UTS2B: variants seen among roughly 807,000 people sequenced by gnomAD.
UTS2B encodes the protein urotensin 2B.
Under a neutral mutation model 19.2 loss-of-function variants are expected in UTS2B, and 21 were observed. That is an observed-to-expected ratio of 1.09 (90% CI 0.78 to 1.58). The LOEUF is 1.58. Among genes scored for constraint, UTS2B ranks in the 40% most tolerant of loss-of-function variants. UTS2B has a pLI of 0.00. For synonymous variants in UTS2B, 57 were observed against 50.2 expected (o/e 1.14, Z -0.58); for missense variants, 138 against 130.3 (o/e 1.06, Z -0.29).
At chr3:191,308,361 A>G (rs1717201133) in intron 3 of UTS2B, among the ~76,000 whole-genome samples, 1 of 152,188 alleles carries the variant, frequency 6.6e-6, no homozygotes, top group Non-Finnish European at 1.5e-5. Flanking sequence ...GCCACATTCA[A>G]AACAAGCAGC....
intron 2 of UTS2B, among the ~76,000 whole-genome samples, chr3:191,327,898 T>G (rs113714999): frequency 0.014 from 2,116 of 152,342 alleles, 37 homozygotes; most frequent in Middle Eastern, 0.075. Flanking sequence ...CACTTCCTTC[T>G]TATTCCCACA....
chr3:191,286,006 A>C (rs1716534367), intron 4 of UTS2B, among the ~76,000 whole-genome samples: 2 of 152,226 alleles, frequency 1.3e-5, no homozygotes, highest in Admixed American at 1.3e-4. Flanking sequence ...AATAGACTTC[A>C]AGACAAAAAC....
chr3:191,304,398 GA>G (rs1560142323), intron 4 of UTS2B, 93 bp downstream of exon 4: 1 of 152,124 alleles, frequency 6.6e-6, no homozygotes, highest in Non-Finnish European at 1.5e-5. Context: ...CAGTTCGCTA[GA>G]GAGGTTATGT....
chr3:191,312,560 A>G (rs1576931984), intron 3 of UTS2B, among the ~76,000 whole-genome samples: 1 of 152,308 alleles, frequency 6.6e-6, no homozygotes, highest in African/African-American at 2.4e-5. Flanking sequence ...ATGCCCCTAT[A>G]CAAATCAATT....
chr3:191,281,953 G>A (rs1005388501), intron 5 of UTS2B, 134 bp downstream of exon 5: 51 of 673,424 alleles, frequency 7.6e-5, no homozygotes, highest in Non-Finnish European at 1.2e-4. Context: ...AACTACTTAA[G>A]GGAGATTTGG....
chr3:191,329,419 T>A lies in UTS2B; in HGVS notation c.-664-710A>T, dbSNP rs189322853. 3.2e-4 allele frequency: 135 copies of A among 422,738 alleles called. 1 individual carries two copies. In the East Asian group the frequency reaches 5.2e-3, roughly 16 times the overall value. The allele number at this position is 422,738 out of a possible 1,614,324, so 26.2% of individuals were successfully genotyped here. A position where few individuals can be genotyped will look rare whatever the true frequency, so the allele number is the denominator to read the frequency against. The stretch of plus-strand genomic sequence containing the variant: ...ATTTCCGGGCTCCGGATATTTGGTA[T>A]CGATTGGGGCCGGGGACGCGGAGCA... On this transcript the variant is annotated intron_variant, in intron 1 of 8. Coordinates refer to ENST00000340524, the MANE Select transcript of UTS2B (RefSeq NM_198152.5).
At chr3:191,294,064 C>T (rs545745518) in intron 4 of UTS2B, among the ~76,000 whole-genome samples, 8 of 151,672 alleles carry the variant, frequency 5.3e-5, no homozygotes, top group South Asian at 4.2e-4. Flanking sequence ...GCCAAGATCG[C>T]GCCATTGCAC....
intron 3 of UTS2B, among the ~76,000 whole-genome samples, chr3:191,312,315 G>A (rs1295834453): frequency 6.6e-6 from 1 of 152,150 alleles, no homozygotes; most frequent in Non-Finnish European, 1.5e-5. Flanking sequence ...TGGAATGAGA[G>A]TCAAGGATCC....
At chr3:191,312,827 G>C (rs1241844041) in intron 3 of UTS2B, among the ~76,000 whole-genome samples, 1 of 152,168 alleles carries the variant, frequency 6.6e-6, no homozygotes, top group Non-Finnish European at 1.5e-5. Context: ...ATAGAGAATA[G>C]GTGGCAAAAC....
chr3:191,329,774 A>AGG, intron 1 of UTS2B: 2 of 1,572,460 alleles, frequency 1.3e-6, no homozygotes, highest in Non-Finnish European at 1.7e-6. Flanking sequence ...TCCCAGCCCG[A>AGG]GGTTCTCTCA....
At chr3:191,302,235 G>T (rs1463196372) in intron 4 of UTS2B, among the ~76,000 whole-genome samples, 1 of 152,182 alleles carries the variant, frequency 6.6e-6, no homozygotes, top group African/African-American at 2.4e-5. Context: ...CCAGCATCAT[G>T]ACAGTTTACA....
At chr3:191,317,105 G>A (rs1320103365) in intron 2 of UTS2B, among the ~76,000 whole-genome samples, 4 of 152,234 alleles carry the variant, frequency 2.6e-5, no homozygotes, top group African/African-American at 9.6e-5. Flanking sequence ...AGAGCCCATG[G>A]GGGTGGGGGC....
chr3:191,321,988 T>A (rs1375943472), intron 2 of UTS2B, among the ~76,000 whole-genome samples: 1 of 151,996 alleles, frequency 6.6e-6, no homozygotes, highest in African/African-American at 2.4e-5. Flanking sequence ...GATTGCGCCA[T>A]TGCACTCCAG....
the UTS2B span, among the ~76,000 whole-genome samples, chr3:191,337,482 T>C: frequency 6.6e-6 from 1 of 151,954 alleles, no homozygotes. Flanking sequence ...GTAGCTGGGA[T>C]TACAGTTGCC....
At chr3:191,317,356 C>G (rs1250371438) in intron 2 of UTS2B, among the ~76,000 whole-genome samples, 3 of 152,216 alleles carry the variant, frequency 2.0e-5, no homozygotes, top group African/African-American at 7.2e-5. Flanking sequence ...GCAGCACGCG[C>G]AGCCCTGGTT....
chr3:191,320,519 T>C (rs1717586038), intron 2 of UTS2B, among the ~76,000 whole-genome samples: 1 of 152,176 alleles, frequency 6.6e-6, no homozygotes, highest in Non-Finnish European at 1.5e-5. Context: ...TGGCATGCTT[T>C]AAGGTATAAG....
intron 2 of UTS2B, among the ~76,000 whole-genome samples, chr3:191,322,245 G>A (rs547164029): frequency 6.6e-6 from 1 of 152,294 alleles, no homozygotes; most frequent in African/African-American, 2.4e-5. Flanking sequence ...AGAAACTCAA[G>A]TGTTGAGCAT....
intron 8 of UTS2B, among the ~76,000 whole-genome samples, chr3:191,270,600 T>C (rs543740401): frequency 5.3e-5 from 8 of 152,286 alleles, no homozygotes; most frequent in Admixed American, 3.3e-4. Flanking sequence ...TTTTTTCTAT[T>C]CCTTAGCACA....
the UTS2B span, among the ~76,000 whole-genome samples, chr3:191,341,670 A>G: frequency 1.3e-5 from 2 of 152,194 alleles, no homozygotes; most frequent in Non-Finnish European, 2.9e-5. Context: ...GAGAACTATC[A>G]AGAGTTCACA....
Sources: allele counts gnomAD v4.1 joint callset (sites outside exome capture counted in the v4.1 genomes callset), GRCh38; gene constraint gnomAD v4.1.1; transcripts MANE v1.5; gene names NCBI Gene and HGNC (gene_info 2026-07-23, HGNC 2026-07-21).